Variants in RFWD3 observed in about 807,000 individuals in gnomAD.
RFWD3 encodes E3 ubiquitin-protein ligase RFWD3.
In RFWD3, 65 loss-of-function variants were observed where a neutral mutation model predicts 87.7. The observed-to-expected ratio is 0.74, with a 90% confidence interval of 0.61 to 0.91. The LOEUF (loss-of-function observed/expected upper bound fraction) is 0.91, where lower values mean the gene tolerates loss of function less well. Ranked by LOEUF, RFWD3 falls within the 40% of genes least tolerant of loss-of-function variation. RFWD3 has a pLI of 0.00. For synonymous variants in RFWD3, 433 were observed against 352.8 expected (o/e 1.23, Z -2.55); for missense variants, 1,078 against 938.5 (o/e 1.15, Z -1.94).
intron 4 of RFWD3, among the ~76,000 whole-genome samples, chr16:74,645,082 C>G (rs35287818): frequency 4.7e-4 from 72 of 152,254 alleles, no homozygotes; most frequent in Non-Finnish European, 8.5e-4. Context: ...CAAATGCTTA[C>G]AAGAAAACAC....
At chr16:74,640,938 CAAAA>C (rs889311412) in intron 6 of RFWD3, among the ~76,000 whole-genome samples, 1 of 151,528 alleles carries the variant, frequency 6.6e-6, no homozygotes, top group African/African-American at 2.4e-5. Context: ...GACTCTGTCT[CAAAA>C]TAAATAAAAT....
chr16:74,662,340 C>G (rs1156545537), intron 1 of RFWD3, among the ~76,000 whole-genome samples: 1 of 152,088 alleles, frequency 6.6e-6, no homozygotes, highest in Non-Finnish European at 1.5e-5. Flanking sequence ...CTTTTATTTT[C>G]ATCTGACTTA....
At chr16:74,625,841 A>G (rs1377218664) in intron 12 of RFWD3, among the ~76,000 whole-genome samples, 1 of 152,232 alleles carries the variant, frequency 6.6e-6, no homozygotes, top group South Asian at 2.1e-4. Context: ...TCATGTGACT[A>G]GTGTGACTGT....
chr16:74,654,221 G>T (rs1188660462), intron 2 of RFWD3, among the ~76,000 whole-genome samples: 1 of 152,008 alleles, frequency 6.6e-6, no homozygotes, highest in Non-Finnish European at 1.5e-5. Flanking sequence ...GGTTGGTCTA[G>T]CTAAAAGTCT....
At chr16:74,648,089 C>T (rs1381462573) in intron 4 of RFWD3, among the ~76,000 whole-genome samples, 1 of 152,058 alleles carries the variant, frequency 6.6e-6, no homozygotes, top group African/African-American at 2.4e-5. Context: ...GGACTATAGG[C>T]GCATGCCACC....
At chr16:74,639,902 GAT>G (rs1303626689) in intron 6 of RFWD3, among the ~76,000 whole-genome samples, 2 of 152,072 alleles carry the variant, frequency 1.3e-5, no homozygotes, top group African/African-American at 4.8e-5. Flanking sequence ...CAAATATCGA[GAT>G]ATGTTGAGAG....
chr16:74,637,764 T>C (rs942409907), intron 7 of RFWD3, 92 bp downstream of exon 7: 5 of 907,656 alleles, frequency 5.5e-6, no homozygotes, highest in Middle Eastern at 3.3e-4. Context: ...ACTTGGCAAA[T>C]CCTATTTGTT....
intron 1 of RFWD3, among the ~76,000 whole-genome samples, chr16:74,661,721 A>T (rs1961457176): frequency 6.6e-6 from 1 of 152,178 alleles, no homozygotes; most frequent in African/African-American, 2.4e-5. Context: ...AAATAGAAAG[A>T]TCTATAAACC....
intron 2 of RFWD3, among the ~76,000 whole-genome samples, chr16:74,656,651 T>A (rs1961012229): frequency 6.6e-6 from 1 of 152,008 alleles, no homozygotes; most frequent in African/African-American, 2.4e-5. Flanking sequence ...AGAGACAAGG[T>A]TTCAACATGT....
At chr16:74,662,227 A>C (rs1961504835) in intron 1 of RFWD3, among the ~76,000 whole-genome samples, 1 of 152,126 alleles carries the variant, frequency 6.6e-6, no homozygotes, top group Admixed American at 6.6e-5. Context: ...CTCCTCATGC[A>C]TCAGGACAAC....
chr16:74,658,088 G>C (rs1961139465), intron 2 of RFWD3, among the ~76,000 whole-genome samples: 1 of 152,098 alleles, frequency 6.6e-6, no homozygotes, highest in Non-Finnish European at 1.5e-5. Flanking sequence ...GCAGTGCTAG[G>C]GTTTCTCTTT....
intron 4 of RFWD3, 51 bp from the exon 5 acceptor site, chr16:74,644,786 T>C: frequency 1.3e-6 from 2 of 1,540,126 alleles, no homozygotes; most frequent in Admixed American, 2.0e-5. Context: ...AAAATCAATC[T>C]TGAAGAAGAT....
At chr16:74,637,122 T>TAAAAAAAAAAAAAAAAA (rs759556308) in intron 7 of RFWD3, among the ~76,000 whole-genome samples, 17 of 101,766 alleles carry the variant, frequency 1.7e-4, no homozygotes, top group Non-Finnish European at 3.0e-4. Context: ...TAAAGTCCTT[T>TAAAAAAAAAAAAAAAAA]AAAAAAAAAA....
chr16:74,647,437 AC>A (rs1317136815), intron 4 of RFWD3, among the ~76,000 whole-genome samples: 1 of 151,912 alleles, frequency 6.6e-6, no homozygotes, highest in African/African-American at 2.4e-5. Flanking sequence ...ATAGGCACGC[AC>A]CACCATATCC....
intron 4 of RFWD3, among the ~76,000 whole-genome samples, chr16:74,647,566 G>C (rs1358491570): frequency 6.6e-6 from 1 of 152,096 alleles, no homozygotes; most frequent in Non-Finnish European, 1.5e-5. Flanking sequence ...GGGATTACAG[G>C]TGTGAGCCAC....
At chr16:74,658,074 G>C (rs1845675508) in intron 2 of RFWD3, among the ~76,000 whole-genome samples, 1 of 152,128 alleles carries the variant, frequency 6.6e-6, no homozygotes, top group African/African-American at 2.4e-5. Flanking sequence ...AAAACCAACA[G>C]GAAGCAGTGC....
intron 2 of RFWD3, among the ~76,000 whole-genome samples, chr16:74,655,628 CT>C (rs908881760): frequency 1.4e-5 from 2 of 140,630 alleles, no homozygotes; most frequent in Non-Finnish European, 3.2e-5. Flanking sequence ...TGCTCTCTCT[CT>C]TTTTTTTTGA....
In RFWD3 at chr16:74,666,845, G is replaced by GCCGAAGACTCGGTAGTTACTGCC; in HGVS notation, c.-63_-62insGGCAGTAACTACCGAGTCTTCGG. 6.6e-6 allele frequency: 1 copy of GCCGAAGACTCGGTAGTTACTGCC among 150,860 alleles called. No individual in the cohort carries two copies. Among genetic ancestry groups the GCCGAAGACTCGGTAGTTACTGCC allele is most frequent in the Non-Finnish European group, 1.5e-5 (1 of 67,736 alleles). 9.3% of individuals were successfully genotyped at this position (150,860 alleles called of 1,614,324 possible). A position where few individuals can be genotyped will look rare whatever the true frequency, so the allele number is the denominator to read the frequency against. On this transcript the variant is annotated 5_prime_UTR_variant, in exon 1 of 13. Coordinates refer to ENST00000361070, the MANE Select transcript of RFWD3 (RefSeq NM_018124.4). Reference sequence around the variant, plus strand: ...CCGCCGAAGACTCGGTAGTTACCTCGGCCGCACTCCGAATGCACCTACGCC... The same window carrying GCCGAAGACTCGGTAGTTACTGCC: ...CCGCCGAAGACTCGGTAGTTACCTCGCCGAAGACTCGGTAGTTACTGCCGCCGCACTCCGAATGCACCTACGCC...
intron 2 of RFWD3, among the ~76,000 whole-genome samples, chr16:74,653,978 G>C (rs926644909): frequency 6.6e-6 from 1 of 151,974 alleles, no homozygotes; most frequent in African/African-American, 2.4e-5. Context: ...TGGAAATTGA[G>C]ATATAATATA....
Sources: allele counts gnomAD v4.1 joint callset (sites outside exome capture counted in the v4.1 genomes callset), GRCh38; gene constraint gnomAD v4.1.1; transcripts MANE v1.5; gene names NCBI Gene and HGNC (gene_info 2026-07-23, HGNC 2026-07-21).